The following DLG2 variants were observed in gnomAD, a reference collection of about 807,000 sequenced individuals.
DLG2 encodes the protein disks large homolog 2.
Under a neutral mutation model 132.5 loss-of-function variants are expected in DLG2, and 45 were observed. That is an observed-to-expected ratio of 0.34 (90% CI 0.27 to 0.44). The LOEUF (loss-of-function observed/expected upper bound fraction) is 0.44, where lower values mean the gene tolerates loss of function less well. Ranked by LOEUF, DLG2 falls within the 20% of genes least tolerant of loss-of-function variation. The probability of loss-of-function intolerance (pLI) is 1.00; values close to 1 mark genes in which losing one functional copy is unlikely to be tolerated. For synonymous variants in DLG2, 424 were observed against 419.6 expected, an observed-to-expected ratio of 1.01 and a Z score of -0.13; for missense variants, 1,045 against 1,196.9, an observed-to-expected ratio of 0.87 and a Z score of 1.87.
intron 18 of DLG2, among the ~76,000 whole-genome samples, chr11:83,688,623 G>A (rs561780514): frequency 1.3e-5 from 2 of 152,186 alleles, no homozygotes; most frequent in East Asian, 1.9e-4. Context: ...TCGTGTTCAT[G>A]AGTATGTGTG....
chr11:83,844,663 G>T (rs2058284478), intron 16 of DLG2, among the ~76,000 whole-genome samples: 1 of 151,730 alleles, frequency 6.6e-6, no homozygotes, highest in African/African-American at 2.4e-5. Flanking sequence ...GGAGAATAAA[G>T]GAGGGAGAGT....
chr11:83,831,960 G>A (rs996953168), intron 17 of DLG2, among the ~76,000 whole-genome samples: 6 of 152,126 alleles, frequency 3.9e-5, no homozygotes, highest in Non-Finnish European at 7.3e-5. Flanking sequence ...GTGGCAATGA[G>A]ATGGAAGAAT....
intron 19 of DLG2, among the ~76,000 whole-genome samples, chr11:83,596,686 A>C (rs1040701899): frequency 2.6e-5 from 4 of 152,202 alleles, no homozygotes; most frequent in African/African-American, 7.2e-5. Context: ...AACCTAATCT[A>C]TCTTAAAAAA....
At chr11:84,322,215 A>C (rs1484684475) in intron 7 of DLG2, among the ~76,000 whole-genome samples, 1 of 152,226 alleles carries the variant, frequency 6.6e-6, no homozygotes, top group Admixed American at 6.5e-5. Context: ...AAAATCAATA[A>C]ATAAGCATTT....
At chr11:84,249,172 TGTGC>T (rs1343582083) in intron 8 of DLG2, among the ~76,000 whole-genome samples, 2 of 152,222 alleles carry the variant, frequency 1.3e-5, no homozygotes, top group African/African-American at 4.8e-5. Context: ...ATCAGCTCTC[TGTGC>T]TCCAGGCCTA....
chr11:85,504,402 G>A (rs61907146), intron 3 of DLG2, among the ~76,000 whole-genome samples: 8 of 151,948 alleles, frequency 5.3e-5, no homozygotes, highest in African/African-American at 1.4e-4. Context: ...AGGTGTAAGG[G>A]AGGGATCCAG....
intron 3 of DLG2, among the ~76,000 whole-genome samples, chr11:85,423,804 T>C (rs1474691504): frequency 6.6e-6 from 1 of 152,282 alleles, no homozygotes. Context: ...ACTGAGTCTA[T>C]TTCCAGGCAG....
At chr11:83,538,351 G>A (rs1267622515) in intron 20 of DLG2, among the ~76,000 whole-genome samples, 2 of 152,204 alleles carry the variant, frequency 1.3e-5, no homozygotes, top group African/African-American at 4.8e-5. Context: ...CTTGAGAGCT[G>A]TAGGGCCAAG....
intron 8 of DLG2, among the ~76,000 whole-genome samples, chr11:84,190,118 T>C (rs1462715608): frequency 6.6e-6 from 1 of 151,244 alleles, no homozygotes; most frequent in Non-Finnish European, 1.5e-5. Context: ...TTAAAGGAAG[T>C]AGCCAGATAA....
intron 6 of DLG2, among the ~76,000 whole-genome samples, chr11:84,817,197 T>C (rs2077171994): frequency 6.6e-6 from 1 of 152,036 alleles, no homozygotes. Flanking sequence ...ATGCTTACAT[T>C]GTGCAGGAAC....
intron 16 of DLG2, among the ~76,000 whole-genome samples, chr11:83,841,652 A>G (rs2057560940): frequency 6.6e-6 from 1 of 152,252 alleles, no homozygotes; most frequent in Non-Finnish European, 1.5e-5. Flanking sequence ...TACCTGGTAC[A>G]TAAGAGGTGC....
At chr11:84,946,326 C>T (rs542548988) in intron 6 of DLG2, among the ~76,000 whole-genome samples, 1 of 152,216 alleles carries the variant, frequency 6.6e-6, no homozygotes, top group Admixed American at 6.5e-5. Context: ...CTCTGGGTCA[C>T]ACCTGAAGCC....
At chr11:84,168,171 A>T (rs1340519864) in intron 8 of DLG2, among the ~76,000 whole-genome samples, 5 of 152,214 alleles carry the variant, frequency 3.3e-5, no homozygotes, top group African/African-American at 1.2e-4. Flanking sequence ...ACAACCTTTA[A>T]AGAGGCACCG....
In DLG2 at chr11:83,733,558, G is replaced by C. The variant is rs185738632; in HGVS notation, c.1825+53132C>G. On this transcript the variant is annotated intron_variant, in intron 18 of 27. Coordinates refer to ENST00000376104, the MANE Select transcript of DLG2 (RefSeq NM_001142699.3). ...TGAAAATCCATCCCTGGGAGCCACAGGAAGAAATGCTTAGTCCCTCTAATG... is the reference window on the plus strand; with the variant it reads ...TGAAAATCCATCCCTGGGAGCCACACGAAGAAATGCTTAGTCCCTCTAATG... Among the ~76,000 whole-genome samples the C allele has an allele frequency of 2.6e-5, 4 of 152,306 alleles. No individual in the cohort carries two copies. In the East Asian group the frequency reaches 7.7e-4, roughly 29 times the overall value.
At chr11:83,773,717 A>C (rs2094482003) in intron 18 of DLG2, among the ~76,000 whole-genome samples, 1 of 152,228 alleles carries the variant, frequency 6.6e-6, no homozygotes, top group African/African-American at 2.4e-5. Flanking sequence ...TTCGAAGAGA[A>C]ACTGCAAGGT....
chr11:85,235,799 GC>G (rs1320359249), intron 4 of DLG2, among the ~76,000 whole-genome samples: 1 of 151,772 alleles, frequency 6.6e-6, no homozygotes, highest in Non-Finnish European at 1.5e-5. Flanking sequence ...ATTTTTGAAG[GC>G]TTTGAATGCC....
At chr11:84,108,068 GTTAGA>G (rs763442028) in intron 9 of DLG2, among the ~76,000 whole-genome samples, 10 of 152,088 alleles carry the variant, frequency 6.6e-5, no homozygotes, top group Non-Finnish European at 8.8e-5. Flanking sequence ...TGAGTAACAT[GTTAGA>G]AAAGATAGGA....
intron 18 of DLG2, among the ~76,000 whole-genome samples, chr11:83,779,949 A>C (rs2094743212): frequency 6.6e-6 from 1 of 152,194 alleles, no homozygotes; most frequent in South Asian, 2.1e-4. Context: ...GGTCTTGTCC[A>C]GTCCAAGTCG....
chr11:85,104,495 T>C (rs1293716903), intron 6 of DLG2, among the ~76,000 whole-genome samples: 1 of 151,894 alleles, frequency 6.6e-6, no homozygotes, highest in Non-Finnish European at 1.5e-5. Context: ...AGGAAATATC[T>C]AGAAAGGGCA....
Sources: allele counts gnomAD v4.1 joint callset (sites outside exome capture counted in the v4.1 genomes callset), GRCh38; gene constraint gnomAD v4.1.1; transcripts MANE v1.5; gene names NCBI Gene and HGNC (gene_info 2026-07-23, HGNC 2026-07-21).